Variants in RIMS1 observed in about 807,000 individuals in gnomAD.
RIMS1 encodes the protein regulating synaptic membrane exocytosis protein 1.
In RIMS1, 83 loss-of-function variants were observed where a neutral mutation model predicts 214.1. The ratio of observed to expected loss-of-function variants is 0.39; its 90% confidence interval spans 0.32 to 0.47. The LOEUF is 0.47. RIMS1 is among the 20% of genes least tolerant of loss of function. The pLI is 0.99. For synonymous variants in RIMS1, 793 were observed against 786.8 expected, an observed-to-expected ratio of 1.01 and a Z score of -0.13; for missense variants, 2,050 against 2,161.8, an observed-to-expected ratio of 0.95 and a Z score of 1.03.
At chr6:72,195,865 G>A (rs761657112) in intron 6 of RIMS1, among the ~76,000 whole-genome samples, 2 of 152,124 alleles carry the variant, frequency 1.3e-5, no homozygotes, top group African/African-American at 2.4e-5. Flanking sequence ...TTAGAATCAT[G>A]ATGGAAGGGG....
intron 2 of RIMS1, among the ~76,000 whole-genome samples, chr6:72,037,871 A>G (rs938465907): frequency 5.3e-5 from 8 of 151,600 alleles, no homozygotes; most frequent in East Asian, 1.9e-4. Context: ...CTGTGTATCA[A>G]TTAGAACCAC....
intron 4 of RIMS1, among the ~76,000 whole-genome samples, chr6:72,155,332 G>T (rs903873484): frequency 7.1e-6 from 1 of 140,106 alleles, no homozygotes; most frequent in South Asian, 2.4e-4. Flanking sequence ...TGAATGCTTT[G>T]CTGCTTAGAA....
rs151182239 is a variant in RIMS1, at chr6:71,907,644, A to C, written c.164+20457A>C. On this transcript the variant is annotated intron_variant, in intron 1 of 33. Coordinates refer to ENST00000521978, the MANE Select transcript of RIMS1 (RefSeq NM_014989.7). ...TTTGCTGAGATCAAAGGTGTAATAAAAATACTCAAAAAATAATCCAATGTG... is the reference window on the plus strand; with the variant it reads ...TTTGCTGAGATCAAAGGTGTAATAACAATACTCAAAAAATAATCCAATGTG... Among the ~76,000 whole-genome samples, 893 of 152,254 alleles carry C rather than the reference A, an allele frequency of 5.9e-3. 8 individuals are homozygous for C. The highest frequency in any genetic ancestry group is 0.02 in the African/African-American group (836 of 41,542).
At chr6:71,989,067 G>A (rs952063996) in intron 2 of RIMS1, among the ~76,000 whole-genome samples, 1 of 152,148 alleles carries the variant, frequency 6.6e-6, no homozygotes, top group Non-Finnish European at 1.5e-5. Context: ...AAAGACTAAT[G>A]TATAAACAAT....
intron 4 of RIMS1, among the ~76,000 whole-genome samples, chr6:72,127,163 A>G (rs997956220): frequency 1.3e-5 from 2 of 152,190 alleles, no homozygotes; most frequent in East Asian, 1.9e-4. Flanking sequence ...TAGTGATGGT[A>G]TTATTGATGT....
At chr6:72,338,075 G>C (rs1292692410) in intron 29 of RIMS1, among the ~76,000 whole-genome samples, 1 of 151,728 alleles carries the variant, frequency 6.6e-6, no homozygotes, top group African/African-American at 2.4e-5. Context: ...CTTTATAGCA[G>C]CATGATTTAT....
chr6:72,302,690 G>C (rs1258112349), intron 26 of RIMS1, among the ~76,000 whole-genome samples: 3 of 151,530 alleles, frequency 2.0e-5, no homozygotes, highest in Non-Finnish European at 3.0e-5. Flanking sequence ...AGAGATGCTA[G>C]TTTTTTCATT....
At chr6:72,039,651 G>C (rs1374726664) in intron 2 of RIMS1, among the ~76,000 whole-genome samples, 2 of 152,004 alleles carry the variant, frequency 1.3e-5, no homozygotes, top group African/African-American at 4.8e-5. Flanking sequence ...GGGAGTTTTG[G>C]GACAAAATAT....
At chr6:72,330,546 G>A (rs529511790) in intron 28 of RIMS1, among the ~76,000 whole-genome samples, 6 of 151,772 alleles carry the variant, frequency 4.0e-5, no homozygotes, top group African/African-American at 1.4e-4. Flanking sequence ...ATGCTGTTAT[G>A]AAATATCAGA....
At chr6:72,052,029 T>A (rs572325677) in intron 2 of RIMS1, among the ~76,000 whole-genome samples, 7 of 152,282 alleles carry the variant, frequency 4.6e-5, no homozygotes, top group African/African-American at 1.7e-4. Context: ...TTTGCGAAAA[T>A]TTCACAATCA....
rs571132752 is a variant in RIMS1, at chr6:72,046,667, G to T, written c.246-50282G>T. Among the ~76,000 whole-genome samples the T allele has an allele frequency of 8.5e-5, 13 of 152,142 alleles. No homozygotes were observed. In the South Asian group the frequency reaches 2.7e-3, roughly 32 times the overall value. ...GTGCCAGTTATTCATTTGAAAATTT[G>T]TACTGAGAATTGGAATTTTAAAATT... On this transcript the variant is annotated intron_variant, in intron 2 of 33. Transcript: ENST00000521978.
intron 1 of RIMS1, among the ~76,000 whole-genome samples, chr6:71,903,013 G>A (rs1048293779): frequency 2.0e-5 from 3 of 152,040 alleles, no homozygotes; most frequent in African/African-American, 7.2e-5. Context: ...TTTATAATAT[G>A]ATGATTTATA....
intron 6 of RIMS1, among the ~76,000 whole-genome samples, chr6:72,226,146 T>A (rs1033953815): frequency 5.3e-5 from 8 of 152,126 alleles, no homozygotes; most frequent in African/African-American, 1.9e-4. Context: ...TGTGTGTGTA[T>A]GTGTTTGTGT....
chr6:71,956,175 A>G (rs1561964514), intron 1 of RIMS1, among the ~76,000 whole-genome samples: 2 of 152,092 alleles, frequency 1.3e-5, no homozygotes. Flanking sequence ...ACTATGACAT[A>G]TGTAGTCTTC....
chr6:72,081,694 A>T lies in RIMS1; in HGVS notation c.246-15255A>T, dbSNP rs185368605. ...AGGGGTTCTGGGTTACATGGGACAGATATAGAATACATCTGCATTTGTATA... is the reference window on the plus strand; with the variant it reads ...AGGGGTTCTGGGTTACATGGGACAGTTATAGAATACATCTGCATTTGTATA... On this transcript the variant is annotated intron_variant, in intron 2 of 33. Transcript: ENST00000521978. Among the ~76,000 whole-genome samples, 4 of 152,244 alleles carry T rather than the reference A, an allele frequency of 2.6e-5. No homozygotes were observed. In the East Asian group the frequency reaches 7.7e-4, roughly 29 times the overall value.
At chr6:71,986,377 G>C (rs938382670) in intron 2 of RIMS1, among the ~76,000 whole-genome samples, 2 of 151,872 alleles carry the variant, frequency 1.3e-5, no homozygotes, top group Non-Finnish European at 2.9e-5. Context: ...AATATTTCTG[G>C]TGGACAAAAT....
chr6:72,338,591 A>C (rs1485902678), intron 29 of RIMS1, among the ~76,000 whole-genome samples: 2 of 152,096 alleles, frequency 1.3e-5, no homozygotes, highest in African/African-American at 4.8e-5. Context: ...GCTAATATCC[A>C]GCATCTACAA....
chr6:72,068,731 GA>G (rs1829898582), intron 2 of RIMS1, among the ~76,000 whole-genome samples: 1 of 152,080 alleles, frequency 6.6e-6, no homozygotes, highest in Admixed American at 6.5e-5. Flanking sequence ...AGACCACGGT[GA>G]AACCCCATCT....
At chr6:71,988,886 T>G (rs914623618) in intron 2 of RIMS1, among the ~76,000 whole-genome samples, 1 of 152,224 alleles carries the variant, frequency 6.6e-6, no homozygotes, top group Non-Finnish European at 1.5e-5. Context: ...GGGGGCCATT[T>G]GTTAATACAA....
Sources: gnomAD v4.1 joint callset for allele counts (sites outside exome capture counted in the v4.1 genomes callset) on GRCh38, gnomAD v4.1.1 for gene constraint, MANE v1.5 for transcripts, NCBI Gene and HGNC (gene_info 2026-07-23, HGNC 2026-07-21) for gene names.